Variants in CMIP observed in about 807,000 individuals in gnomAD.
The protein encoded by CMIP is c-Maf inducing protein, also known as C-Maf-inducing protein.
CMIP carries 13 observed loss-of-function variants against 97.3 expected under a neutral mutation model. That is an observed-to-expected ratio of 0.13 (90% CI 0.09 to 0.21). CMIP has a LOEUF of 0.21. Among genes scored for constraint, CMIP ranks in the 10% least tolerant of loss-of-function variants. The probability of loss-of-function intolerance (pLI) is 1.00; values close to 1 mark genes in which losing one functional copy is unlikely to be tolerated. For synonymous variants in CMIP, 538 were observed against 436.3 expected (o/e 1.23, Z -2.91); for missense variants, 847 against 1,024.9 (o/e 0.83, Z 2.37).
rs763184950 is a variant in CMIP, at chr16:81,696,673, C to T, written c.1638+6C>T. The T allele has an allele frequency of 2.5e-6, 4 of 1,603,908 alleles. No homozygotes were observed. The South Asian group carries it at 4.4e-5, about 18-fold the overall frequency. Reference sequence around the variant, plus strand: ...GGGAGCTGTTCGCCAGCATGGTACGCAGTGGGACCCCAGTGGGGTGACTTC... The same window carrying T: ...GGGAGCTGTTCGCCAGCATGGTACGTAGTGGGACCCCAGTGGGGTGACTTC... On this transcript the variant is annotated splice_donor_region_variant and intron_variant, in intron 14 of 20. Coordinates refer to ENST00000537098, the MANE Select transcript of CMIP (RefSeq NM_198390.3).
At chr16:81,464,501 CAT>C (rs1907084285) in intron 1 of CMIP, 1 of 151,608 alleles carries the variant, frequency 6.6e-6, no homozygotes, top group Admixed American at 6.6e-5. Context: ...AGGTCTCATT[CAT>C]TCATTCATTC....
intron 1 of CMIP, among the ~76,000 whole-genome samples, chr16:81,514,087 C>T (rs2089864892): frequency 6.6e-6 from 1 of 152,220 alleles, no homozygotes; most frequent in Non-Finnish European, 1.5e-5. Flanking sequence ...TCCAGTGAAT[C>T]TTCATCCCTA....
intron 10 of CMIP, among the ~76,000 whole-genome samples, chr16:81,680,516 G>C (rs1165404539): frequency 6.6e-6 from 1 of 152,230 alleles, no homozygotes; most frequent in East Asian, 1.9e-4. Context: ...TGGCCCCGGA[G>C]AGGAAAGGGT....
chr16:81,642,139 G>A (rs1378571551), intron 3 of CMIP, among the ~76,000 whole-genome samples: 1 of 152,262 alleles, frequency 6.6e-6, no homozygotes, highest in Non-Finnish European at 1.5e-5. Context: ...TCATTCATCA[G>A]AACCCAGTGT....
intron 1 of CMIP, among the ~76,000 whole-genome samples, chr16:81,574,604 T>C (rs1597105180): frequency 1.3e-5 from 2 of 152,262 alleles, no homozygotes; most frequent in East Asian, 3.8e-4. Context: ...TGTAGGTGAT[T>C]CTGTAAGAAA....
At chr16:81,478,670 G>T (rs916333425) in intron 1 of CMIP, among the ~76,000 whole-genome samples, 1 of 152,150 alleles carries the variant, frequency 6.6e-6, no homozygotes, top group Non-Finnish European at 1.5e-5. Flanking sequence ...AGAGCCTCCC[G>T]GTGGGAAGAA....
intron 1 of CMIP, among the ~76,000 whole-genome samples, chr16:81,448,289 G>A (rs1440164120): frequency 6.6e-6 from 1 of 152,246 alleles, no homozygotes; most frequent in Non-Finnish European, 1.5e-5. Context: ...GATTGATAGG[G>A]ATTCAAACCA....
chr16:81,471,785 A>G (rs1907574272), intron 1 of CMIP, among the ~76,000 whole-genome samples: 1 of 152,208 alleles, frequency 6.6e-6, no homozygotes, highest in Non-Finnish European at 1.5e-5. Context: ...ATGGCAGTGG[A>G]ATTGAGTACA....
chr16:81,644,274 G>A (rs999958010), intron 3 of CMIP, among the ~76,000 whole-genome samples: 8 of 152,188 alleles, frequency 5.3e-5, no homozygotes, highest in Admixed American at 5.2e-4. Context: ...AGATAATCGG[G>A]ACAGTGTTGC....
intron 10 of CMIP, among the ~76,000 whole-genome samples, chr16:81,683,534 C>T (rs920817073): frequency 1.3e-5 from 2 of 150,654 alleles, no homozygotes; most frequent in Admixed American, 6.6e-5. Flanking sequence ...GGATTACAGG[C>T]GCCTGCCACC....
chr16:81,492,739 C>G (rs766874311), intron 1 of CMIP, among the ~76,000 whole-genome samples: 8 of 151,514 alleles, frequency 5.3e-5, no homozygotes, highest in Non-Finnish European at 2.9e-5. Context: ...AAATAGACCA[C>G]GGAAACGGCA....
At chr16:81,449,924 C>T (rs982625510) in intron 1 of CMIP, among the ~76,000 whole-genome samples, 3 of 152,236 alleles carry the variant, frequency 2.0e-5, no homozygotes, top group African/African-American at 7.2e-5. Flanking sequence ...GTTCCGGCCA[C>T]GGCAACATCA....
At chr16:81,657,922 T>C in intron 5 of CMIP, 106 bp downstream of exon 5, 1 of 919,958 alleles carries the variant, frequency 1.1e-6, no homozygotes, top group Non-Finnish European at 1.6e-6. Flanking sequence ...TCCACCAGCA[T>C]CTGGCCTTGC....
chr16:81,554,635 C>T (rs549471279), intron 1 of CMIP, among the ~76,000 whole-genome samples: 32 of 152,300 alleles, frequency 2.1e-4, no homozygotes, highest in Non-Finnish European at 2.2e-4. Flanking sequence ...TGTCCTTTCA[C>T]TTTCTCATTT....
rs375101543 is a variant in CMIP, at chr16:81,447,852, C to G, written c.300+2311C>G. Among the ~76,000 whole-genome samples, 52 of 152,226 alleles carry G rather than the reference C, an allele frequency of 3.4e-4. No homozygotes were observed. The South Asian group carries it at 9.9e-3, about 29-fold the overall frequency. Reference sequence around the variant, plus strand: ...GCTGGCCTGGCTGGAGCGCTGGCCTCCCGGGTAGAGGTGAGGTTGGGACTG... The same window carrying G: ...GCTGGCCTGGCTGGAGCGCTGGCCTGCCGGGTAGAGGTGAGGTTGGGACTG... On this transcript the variant is annotated intron_variant, in intron 1 of 20. Transcript: ENST00000537098.
At chr16:81,537,801 G>A (rs1260008205) in intron 1 of CMIP, among the ~76,000 whole-genome samples, 1 of 152,258 alleles carries the variant, frequency 6.6e-6, no homozygotes, top group Non-Finnish European at 1.5e-5. Flanking sequence ...CCCGCTTTGA[G>A]CAGGGAAACA....
Position 81,620,656 on chromosome 16 carries a change from A to G in CMIP, c.427-220A>G. The G allele has an allele frequency of 7.4e-6, 4 of 540,418 alleles. No homozygotes were observed. In the South Asian group the frequency reaches 8.2e-5, roughly 11 times the overall value. 33.5% of individuals were successfully genotyped at this position (540,418 alleles called of 1,614,324 possible). On this transcript the variant is annotated intron_variant, in intron 2 of 20. Transcript: ENST00000537098. ...TACAGCAAAGGAAGCACACGGTGCT[A>G]GTGATGTCTTGTTTTTAGGAAATCC... is the stretch of plus-strand genomic sequence containing the variant.
chr16:81,506,408 C>G (rs1323411290), intron 1 of CMIP, among the ~76,000 whole-genome samples: 1 of 152,222 alleles, frequency 6.6e-6, no homozygotes, highest in Admixed American at 6.5e-5. Flanking sequence ...CTCAGTTATG[C>G]TCAGCCATTT....
At chr16:81,483,809 A>G (rs1195576099) in intron 1 of CMIP, among the ~76,000 whole-genome samples, 3 of 152,228 alleles carry the variant, frequency 2.0e-5, no homozygotes, top group African/African-American at 7.2e-5. Flanking sequence ...CTCTGCTTCT[A>G]GAATTTCGCA....
Sources: allele counts gnomAD v4.1 joint callset (sites outside exome capture counted in the v4.1 genomes callset), GRCh38; gene constraint gnomAD v4.1.1; transcripts MANE v1.5; gene names NCBI Gene and HGNC (gene_info 2026-07-23, HGNC 2026-07-21).